AOX1: variants seen among roughly 807,000 people sequenced by gnomAD.
The protein encoded by AOX1 is aldehyde oxidase 1.
In AOX1, 153 loss-of-function variants were observed where a neutral mutation model predicts 169.5. The ratio of observed to expected loss-of-function variants is 0.90; its 90% CI spans 0.79 to 1.03. AOX1 has a LOEUF of 1.03. Ranked by LOEUF, AOX1 falls within the 50% of genes least tolerant of loss-of-function variation. The pLI, the probability that AOX1 is intolerant of heterozygous loss-of-function variation, is 0.00. For synonymous variants in AOX1, 562 were observed against 581.9 expected (o/e 0.97, Z 0.49); for missense variants, 1,656 against 1,663.9 (o/e 1.00, Z 0.08).
At position 200,615,962 on chromosome 2, in the gene AOX1, A is replaced by G; in HGVS notation, c.1612-9A>G. The stretch of plus-strand genomic sequence containing the variant: ...TATTTAAAATATCTGCAATGGTTCT[A>G]CTTTTCAGGATCCAGTTCACTATCC... On this transcript the variant is annotated splice_polypyrimidine_tract_variant and intron_variant, in intron 15 of 34. Transcript: ENST00000374700. 1.2e-6 allele frequency: 2 copies of G among 1,604,560 alleles called. No individual in the cohort carries two copies. The highest frequency in any genetic ancestry group is 1.7e-6 in the Non-Finnish European group (2 of 1,171,568).
At chr2:200,676,742 T>A (rs887520557) in intron 4 of AOX1, 3 of 309,374 alleles carry the variant, frequency 9.7e-6, no homozygotes, top group Admixed American at 9.5e-5. Context: ...AGGAGGAAAG[T>A]GGGGGTAACA....
At chr2:200,619,108 T>A (rs1559240890) in intron 16 of AOX1, among the ~76,000 whole-genome samples, 1 of 152,222 alleles carries the variant, frequency 6.6e-6, no homozygotes, top group African/African-American at 2.4e-5. Context: ...TTAGCTTTTC[T>A]CCCCGCTCAG....
Position 200,613,951 on chromosome 2 carries a change from G to C in AOX1, c.1596G>C (p.Gln532His), listed in dbSNP as rs765409030. ...FLFKFYLEVS[Q>H]ILKKMDPVHY... ...TCAAGTTCTACCTGGAAGTGTCACA[G>C]ATTTTGAAAAAGATGGTAAACAACT... is the stretch of plus-strand genomic sequence containing the variant. The change falls in exon 15 of 35, where the codon CAG becomes CAC. Residue 532 changes from glutamine (Q) to histidine (H), a missense_variant. Gln to His is a conservative substitution (Grantham distance 24). Transcript: ENST00000374700. 1.1e-5 allele frequency: 18 copies of C among 1,611,424 alleles called. No individual in the cohort carries two copies. In the Admixed American group the frequency reaches 1.2e-4, roughly 10 times the overall value.
At chr2:200,674,869 G>A (rs563677025), downstream of AOX1, among the ~76,000 whole-genome samples, 30 of 152,272 alleles carry the variant, frequency 2.0e-4, no homozygotes, top group Middle Eastern at 3.4e-3. Flanking sequence ...ACGTTTTCTG[G>A]GTAGAGGTTT....
downstream of AOX1, among the ~76,000 whole-genome samples, chr2:200,673,509 A>G (rs574321142): frequency 4.6e-5 from 7 of 152,152 alleles, no homozygotes; most frequent in Admixed American, 1.3e-4. Context: ...TTATTTCCAT[A>G]GCCTCTATGT....
downstream of AOX1, among the ~76,000 whole-genome samples, chr2:200,675,484 A>G (rs1036998221): frequency 3.9e-5 from 6 of 152,198 alleles, no homozygotes; most frequent in Non-Finnish European, 8.8e-5. Flanking sequence ...AAGGCTGTGT[A>G]CATGATTTGT....
intron 1 of AOX1, among the ~76,000 whole-genome samples, chr2:200,592,224 G>A (rs2034188106): frequency 1.3e-5 from 2 of 152,140 alleles, no homozygotes; most frequent in African/African-American, 4.8e-5. Context: ...CTAGGGCACA[G>A]ATCTGACCTT....
At chr2:200,611,265 G>A (rs1028947600) in intron 12 of AOX1, 119 bp from the exon 13 acceptor site, 41 of 716,934 alleles carry the variant, frequency 5.7e-5, no homozygotes, top group Non-Finnish European at 8.5e-5. Flanking sequence ...CATAGGAAGA[G>A]CACCTGTTTC....
intron 12 of AOX1, among the ~76,000 whole-genome samples, chr2:200,610,377 A>C (rs564337545): frequency 1.6e-4 from 24 of 152,200 alleles, no homozygotes; most frequent in Non-Finnish European, 3.2e-4. Flanking sequence ...TGGTCACAAA[A>C]CTATCTTAAA....
chr2:200,642,071 G>T (rs964350298), intron 24 of AOX1, among the ~76,000 whole-genome samples: 25 of 152,068 alleles, frequency 1.6e-4, no homozygotes, highest in African/African-American at 6.0e-4. Context: ...AGAGGTTGCA[G>T]TGAGCCGAGA....
downstream of AOX1, chr2:200,681,526 G>C (rs1291738762): frequency 6.6e-6 from 1 of 152,616 alleles, no homozygotes; most frequent in African/African-American, 2.4e-5. Flanking sequence ...GAAGAGTATT[G>C]TCCTTCCAAG....
chr2:200,682,001 G>A (rs2036158590), downstream of AOX1, among the ~76,000 whole-genome samples: 1 of 151,806 alleles, frequency 6.6e-6, no homozygotes, highest in South Asian at 2.1e-4. Flanking sequence ...TGAAATCATA[G>A]ACTCTTAGGA....
intron 16 of AOX1, 51 bp downstream of exon 16, chr2:200,616,114 T>A (rs1157301974): frequency 3.0e-6 from 4 of 1,333,034 alleles, no homozygotes; most frequent in Non-Finnish European, 4.3e-6. Flanking sequence ...CTATAGTGAT[T>A]TGACCTGGAC....
intron 26 of AOX1, among the ~76,000 whole-genome samples, chr2:200,654,195 A>T (rs949265292): frequency 2.2e-5 from 3 of 138,736 alleles, no homozygotes; most frequent in African/African-American, 8.1e-5. Flanking sequence ...GTGACAGAAG[A>T]GACCCTGTCT....
intron 27 of AOX1, among the ~76,000 whole-genome samples, chr2:200,657,161 C>A (rs1480797188): frequency 3.6e-4 from 30 of 82,976 alleles, no homozygotes; most frequent in African/African-American, 9.6e-4. Flanking sequence ...CCATCTCTAC[C>A]AAAAATATAT....
intron 30 of AOX1, 128 bp downstream of exon 30, chr2:200,661,759 A>G (rs2035833358): frequency 1.0e-5 from 7 of 689,486 alleles, no homozygotes; most frequent in Non-Finnish European, 1.5e-5. Flanking sequence ...TATAAAGAAC[A>G]TTTAACTGCT....
chr2:200,632,357 T>C (rs1366460126), intron 20 of AOX1, among the ~76,000 whole-genome samples: 1 of 151,092 alleles, frequency 6.6e-6, no homozygotes, highest in East Asian at 1.9e-4. Flanking sequence ...TATTTACATA[T>C]ATAAAATATC....
chr2:200,622,049 G>C (rs1366728807), intron 18 of AOX1, among the ~76,000 whole-genome samples: 1 of 152,192 alleles, frequency 6.6e-6, no homozygotes, highest in African/African-American at 2.4e-5. Context: ...ACCACGCCCG[G>C]CTTAAATGGG....
chr2:200,655,622 C>G (rs1030735561), intron 26 of AOX1, among the ~76,000 whole-genome samples: 1 of 152,188 alleles, frequency 6.6e-6, no homozygotes, highest in African/African-American at 2.4e-5. Context: ...CAGTACATCC[C>G]TAGTTTACAC....
Sources: gnomAD v4.1 joint callset for allele counts (sites outside exome capture counted in the v4.1 genomes callset) on GRCh38, gnomAD v4.1.1 for gene constraint, MANE v1.5 for transcripts, NCBI Gene and HGNC (gene_info 2026-07-23, HGNC 2026-07-21) for gene names.